Variants in CCBE1 observed in about 807,000 individuals in gnomAD.
The protein encoded by CCBE1 is collagen and calcium-binding EGF domain-containing protein 1.
In CCBE1, 37 loss-of-function variants were observed where a neutral mutation model predicts 50.0. The ratio of observed to expected loss-of-function variants is 0.74; its 90% confidence interval spans 0.57 to 0.97. CCBE1 has a LOEUF of 0.97. Ranked by LOEUF, CCBE1 falls within the 50% of genes least tolerant of loss-of-function variation. The probability of loss-of-function intolerance (pLI) is 0.00; values close to 1 mark genes in which losing one functional copy is unlikely to be tolerated. For missense variants in CCBE1, 538 were observed against 523.8 expected (o/e 1.03, Z -0.26); for synonymous variants, 234 against 203.7 (o/e 1.15, Z -1.27).
At chr18:59,652,918 C>G (rs933941629) in intron 2 of CCBE1, among the ~76,000 whole-genome samples, 1 of 151,634 alleles carries the variant, frequency 6.6e-6, no homozygotes, top group South Asian at 2.1e-4. Flanking sequence ...GAACCGAGAA[C>G]GCACCACTGC....
At chr18:59,483,046 CT>C (rs1912652431) in intron 2 of CCBE1, among the ~76,000 whole-genome samples, 2 of 152,082 alleles carry the variant, frequency 1.3e-5, no homozygotes, top group East Asian at 3.9e-4. Context: ...CACCTACAGC[CT>C]ATCATGTCAC....
intron 2 of CCBE1, among the ~76,000 whole-genome samples, chr18:59,667,119 AAT>A (rs2054368539): frequency 6.6e-6 from 1 of 151,904 alleles, no homozygotes; most frequent in African/African-American, 2.4e-5. Context: ...ACAAAAAAAA[AAT>A]AGCCAGGCCT....
At chr18:59,558,117 TAAC>T (rs2052680842) in intron 2 of CCBE1, among the ~76,000 whole-genome samples, 1 of 152,252 alleles carries the variant, frequency 6.6e-6, no homozygotes, top group Non-Finnish European at 1.5e-5. Flanking sequence ...GCCCCTTTCT[TAAC>T]ATCATTCGCA....
chr18:59,533,001 G>A (rs1339211670), intron 2 of CCBE1, among the ~76,000 whole-genome samples: 2 of 152,172 alleles, frequency 1.3e-5, no homozygotes, highest in Non-Finnish European at 2.9e-5. Context: ...GAACCAGAAT[G>A]AGAAGGTCAA....
chr18:59,663,949 C>G (rs893116761), intron 2 of CCBE1, among the ~76,000 whole-genome samples: 1 of 152,124 alleles, frequency 6.6e-6, no homozygotes, highest in Non-Finnish European at 1.5e-5. Context: ...AGTTCTGCTT[C>G]AAATGTATTG....
chr18:59,475,793 C>T (rs1191902025), intron 3 of CCBE1, among the ~76,000 whole-genome samples: 1 of 152,170 alleles, frequency 6.6e-6, no homozygotes, highest in Non-Finnish European at 1.5e-5. Context: ...TTTCGGCTCA[C>T]TGCAACCTCC....
At chr18:59,640,505 T>G (rs1164003554) in intron 2 of CCBE1, among the ~76,000 whole-genome samples, 1 of 152,106 alleles carries the variant, frequency 6.6e-6, no homozygotes, top group Non-Finnish European at 1.5e-5. Flanking sequence ...GACTTAAACA[T>G]AATGCCCAAG....
At chr18:59,652,749 G>A (rs1290248446) in intron 2 of CCBE1, among the ~76,000 whole-genome samples, 2 of 152,150 alleles carry the variant, frequency 1.3e-5, no homozygotes, top group Non-Finnish European at 2.9e-5. Flanking sequence ...TGGATCATGG[G>A]GTCAGGAGAT....
chr18:59,612,709 G>A (rs1192012482), intron 2 of CCBE1, among the ~76,000 whole-genome samples: 1 of 152,138 alleles, frequency 6.6e-6, no homozygotes, highest in East Asian at 1.9e-4. Context: ...CCTAAGCTCA[G>A]TGCTATGCAA....
intron 2 of CCBE1, among the ~76,000 whole-genome samples, chr18:59,628,564 G>C (rs560220729): frequency 6.6e-6 from 1 of 152,292 alleles, no homozygotes; most frequent in African/African-American, 2.4e-5. Context: ...TAACCACCGC[G>C]ATGTCCATGG....
At chr18:59,614,628 A>C (rs1003937722) in intron 2 of CCBE1, among the ~76,000 whole-genome samples, 7 of 152,204 alleles carry the variant, frequency 4.6e-5, no homozygotes, top group African/African-American at 1.7e-4. Flanking sequence ...AGGGCCTCAG[A>C]AGCATATCCT....
chr18:59,660,601 C>G (rs1293315201), intron 2 of CCBE1, among the ~76,000 whole-genome samples: 1 of 152,148 alleles, frequency 6.6e-6, no homozygotes, highest in Admixed American at 6.5e-5. Context: ...TGCCCAAGTT[C>G]TCAGCTTTGA....
intron 2 of CCBE1, among the ~76,000 whole-genome samples, chr18:59,570,006 A>G (rs2052887049): frequency 6.6e-6 from 1 of 152,120 alleles, no homozygotes; most frequent in African/African-American, 2.4e-5. Context: ...TCATTCTTAA[A>G]CAGAATATCA....
intron 2 of CCBE1, among the ~76,000 whole-genome samples, chr18:59,600,722 A>G (rs1186796763): frequency 6.6e-6 from 1 of 152,014 alleles, no homozygotes; most frequent in Non-Finnish European, 1.5e-5. Context: ...CCTCCTGCCC[A>G]CTGGGGCTGG....
At chr18:59,575,228 G>A (rs1244322340) in intron 2 of CCBE1, among the ~76,000 whole-genome samples, 2 of 152,050 alleles carry the variant, frequency 1.3e-5, no homozygotes, top group African/African-American at 2.4e-5. Context: ...TCTCCTCTAT[G>A]AGCCAGCCAG....
At chr18:59,558,286 T>G (rs774727657) in intron 2 of CCBE1, among the ~76,000 whole-genome samples, 4 of 152,194 alleles carry the variant, frequency 2.6e-5, no homozygotes, top group Non-Finnish European at 4.4e-5. Flanking sequence ...AAGTGTGACT[T>G]CAGAAGAACA....
chr18:59,455,049 C>T (rs1439176837), intron 5 of CCBE1, 98 bp from the exon 6 acceptor site: 1 of 929,540 alleles, frequency 1.1e-6, no homozygotes, highest in Non-Finnish European at 1.7e-6. Flanking sequence ...GACAGAGTAG[C>T]TGACAGCGGG....
In CCBE1 at chr18:59,601,933, G is replaced by T. The variant is rs143520760; in HGVS notation, c.212+94696C>A. On this transcript the variant is annotated intron_variant, in intron 2 of 10. Coordinates refer to ENST00000439986, the MANE Select transcript of CCBE1 (RefSeq NM_133459.4). ...CAAAAGATATTTTCCTTTCTACTTT[G>T]CCCATCTTTAAATGATTAGCAAATT... Among the ~76,000 whole-genome samples the T allele has an allele frequency of 2.2e-3, 336 of 151,986 alleles. 5 individuals are homozygous for T. In the East Asian group the frequency reaches 0.032, roughly 14 times the overall value.
chr18:59,578,671 T>C (rs1381576086), intron 2 of CCBE1, among the ~76,000 whole-genome samples: 1 of 151,490 alleles, frequency 6.6e-6, no homozygotes, highest in Non-Finnish European at 1.5e-5. Flanking sequence ...GAAACCATCA[T>C]TCTCAGCAAA....
Sources: gnomAD v4.1 joint callset for allele counts (sites outside exome capture counted in the v4.1 genomes callset) on GRCh38, gnomAD v4.1.1 for gene constraint, MANE v1.5 for transcripts, NCBI Gene and HGNC (gene_info 2026-07-23, HGNC 2026-07-21) for gene names.